The following LCORL variants were observed in gnomAD, a reference collection of about 807,000 sequenced individuals.
LCORL encodes ligand-dependent nuclear receptor corepressor-like protein.
In LCORL, 41 loss-of-function variants were observed where a neutral mutation model predicts 141.8. The ratio of observed to expected loss-of-function variants is 0.29; its 90% confidence interval spans 0.23 to 0.38. LCORL has a LOEUF of 0.38. LCORL is among the 10% of genes least tolerant of loss of function. LCORL has a pLI of 1.00. For synonymous variants in LCORL, 618 were observed against 694.1 expected (o/e 0.89, Z 1.72); for missense variants, 1,759 against 2,035.0 (o/e 0.86, Z 2.61).
intron 7 of LCORL, among the ~76,000 whole-genome samples, chr4:17,854,347 C>A (rs1724113511): frequency 6.6e-6 from 1 of 152,060 alleles, no homozygotes. Context: ...AATAAGGACA[C>A]AATAAATGTG....
chr4:17,882,024 A>C, intron 6 of LCORL: 1 of 983,274 alleles, frequency 1.0e-6, no homozygotes, highest in Non-Finnish European at 1.2e-6. Flanking sequence ...TGCAGGTAAC[A>C]TTAATAGCTG....
intron 7 of LCORL, among the ~76,000 whole-genome samples, chr4:17,851,390 T>C (rs1318846873): frequency 6.6e-6 from 1 of 152,190 alleles, no homozygotes; most frequent in East Asian, 1.9e-4. Flanking sequence ...ATTCTTCAGA[T>C]AGTCCCCTCA....
At position 17,924,860 on chromosome 4, in the gene LCORL, C is replaced by T. The variant is rs111809165; in HGVS notation, c.431-15515G>A. Among the ~76,000 whole-genome samples the T allele has an allele frequency of 2.6e-3, 392 of 152,212 alleles. 4 individuals carry two copies. The highest frequency in any genetic ancestry group is 9.0e-3 in the African/African-American group (373 of 41,554). The stretch of plus-strand genomic sequence containing the variant: ...ACTCCAACTAGATGACCATACTTTG[C>T]GGGGCTAGGGCGAAGTTCTCCAGAA... On this transcript the variant is annotated intron_variant, in intron 4 of 7. Transcript: ENST00000635767.
At chr4:17,843,243 A>C (rs981505295) in exon 8 of LCORL, 6 of 1,547,444 alleles carry the variant, frequency 3.9e-6, no homozygotes, top group Admixed American at 3.9e-5. Flanking sequence ...AGTTTTATTT[A>C]TAAATAAACT....
At chr4:17,877,752 A>G (rs1727071489) in exon 7 of LCORL, 6 of 1,230,710 alleles carry the variant, frequency 4.9e-6, no homozygotes, top group Non-Finnish European at 6.1e-6. Flanking sequence ...AGGACTACGA[A>G]AGGCTGATTT....
At chr4:18,016,520 G>T (rs1268261570) in intron 1 of LCORL, among the ~76,000 whole-genome samples, 1 of 152,102 alleles carries the variant, frequency 6.6e-6, no homozygotes, top group East Asian at 1.9e-4. Flanking sequence ...GTACAGAACT[G>T]AACTATGCAA....
chr4:17,980,271 G>A (rs545254301), intron 1 of LCORL, among the ~76,000 whole-genome samples: 2 of 152,318 alleles, frequency 1.3e-5, no homozygotes, highest in Admixed American at 1.3e-4. Context: ...GGGCTGGTCT[G>A]TGGCAAATTC....
At chr4:17,948,555 C>T (rs1739246207) in intron 4 of LCORL, among the ~76,000 whole-genome samples, 1 of 151,956 alleles carries the variant, frequency 6.6e-6, no homozygotes, top group African/African-American at 2.4e-5. Context: ...AAGTTGATAA[C>T]CTAGAAGCAG....
chr4:17,918,315 CAA>C (rs1453504070), intron 4 of LCORL, among the ~76,000 whole-genome samples: 1 of 151,900 alleles, frequency 6.6e-6, no homozygotes, highest in Non-Finnish European at 1.5e-5. Flanking sequence ...ATGGGACATG[CAA>C]AGACATAAAA....
At chr4:17,922,967 G>GCC (rs746460828) in intron 4 of LCORL, among the ~76,000 whole-genome samples, 5 of 151,990 alleles carry the variant, frequency 3.3e-5, no homozygotes, top group Admixed American at 2.6e-4. Flanking sequence ...AAAAGTGATG[G>GCC]CCCCCCCAAG....
exon 7 of LCORL, chr4:17,875,263 T>C (rs1409724064): frequency 4.9e-5 from 60 of 1,231,430 alleles, no homozygotes; most frequent in Non-Finnish European, 5.5e-5. Flanking sequence ...TTCCTACTTA[T>C]TGCCAAAGGC....
exon 8 of LCORL, chr4:17,845,810 G>A (rs1302113572): frequency 1.2e-6 from 2 of 1,612,870 alleles, no homozygotes; most frequent in East Asian, 2.2e-5. Flanking sequence ...TCAATGGGAC[G>A]ATTAAGGCAC....
chr4:17,966,412 T>G (rs141273869), intron 2 of LCORL, among the ~76,000 whole-genome samples: 103 of 152,192 alleles, frequency 6.8e-4, no homozygotes, highest in Non-Finnish European at 1.1e-3. Context: ...TTAAATAAAA[T>G]GGACCAATTC....
At chr4:17,845,560 A>C (rs911535630) in exon 8 of LCORL, 1 of 339,048 alleles carries the variant, frequency 2.9e-6, no homozygotes, top group Non-Finnish European at 4.5e-6. Context: ...AAAACATGTA[A>C]AAAAAACATA....
At chr4:17,879,514 G>T (rs1727289025) in intron 6 of LCORL, among the ~76,000 whole-genome samples, 1 of 151,050 alleles carries the variant, frequency 6.6e-6, no homozygotes, top group Admixed American at 6.6e-5. Flanking sequence ...CCTCTAGACA[G>T]ATGAAGATAG....
intron 7 of LCORL, among the ~76,000 whole-genome samples, chr4:17,862,491 A>T (rs548031790): frequency 5.3e-5 from 8 of 152,218 alleles, no homozygotes; most frequent in Non-Finnish European, 1.2e-4. Flanking sequence ...CAGCTACAGT[A>T]ACCAAAACAG....
intron 1 of LCORL, among the ~76,000 whole-genome samples, chr4:17,995,785 TAA>T (rs1207891223): frequency 6.6e-6 from 1 of 152,134 alleles, no homozygotes; most frequent in Admixed American, 6.6e-5. Flanking sequence ...TAATATTATA[TAA>T]GTTTGTTTTG....
At chr4:18,014,731 G>C (rs549198008) in intron 1 of LCORL, among the ~76,000 whole-genome samples, 3 of 152,142 alleles carry the variant, frequency 2.0e-5, no homozygotes, top group Non-Finnish European at 4.4e-5. Context: ...TAAGAACAAA[G>C]TGGTATTCTT....
intron 4 of LCORL, among the ~76,000 whole-genome samples, chr4:17,931,654 A>T (rs1356561920): frequency 6.6e-6 from 1 of 152,088 alleles, no homozygotes; most frequent in African/African-American, 2.4e-5. Context: ...TCTTTATTGC[A>T]TTATAATGAA....
Sources: gnomAD v4.1 joint callset for allele counts (sites outside exome capture counted in the v4.1 genomes callset) on GRCh38, gnomAD v4.1.1 for gene constraint, MANE v1.5 for transcripts, NCBI Gene and HGNC (gene_info 2026-07-23, HGNC 2026-07-21) for gene names.